PRKN: variants seen among roughly 807,000 people sequenced by gnomAD.
PRKN encodes parkin RBR E3 ubiquitin protein ligase.
Under a neutral mutation model 59.5 loss-of-function variants are expected in PRKN, and 56 were observed. The ratio of observed to expected loss-of-function variants is 0.94; its 90% confidence interval spans 0.76 to 1.18. The LOEUF (loss-of-function observed/expected upper bound fraction) is 1.18. PRKN is among the 50% of genes most tolerant of loss of function. PRKN has a pLI of 0.00. For missense variants in PRKN, 657 were observed against 596.4 expected (o/e 1.10, Z -1.06); for synonymous variants, 250 against 222.1 (o/e 1.13, Z -1.12).
intron 2 of PRKN, among the ~76,000 whole-genome samples, chr6:162,390,181 C>T (rs774686321): frequency 2.0e-5 from 3 of 151,848 alleles, no homozygotes; most frequent in Non-Finnish European, 2.9e-5. Context: ...CCAGTTCTGA[C>T]TCCAAAATCT....
At chr6:162,437,964 C>A (rs1331633604) in intron 2 of PRKN, among the ~76,000 whole-genome samples, 1 of 152,206 alleles carries the variant, frequency 6.6e-6, no homozygotes, top group African/African-American at 2.4e-5. Context: ...ACTCTGTCAT[C>A]TGGTAAATAC....
chr6:162,489,946 T>C (rs529487715), intron 1 of PRKN, among the ~76,000 whole-genome samples: 73 of 152,292 alleles, frequency 4.8e-4, no homozygotes, highest in Admixed American at 2.9e-3. Context: ...CTTAAATCCT[T>C]GTTTCTTTTT....
intron 1 of PRKN, among the ~76,000 whole-genome samples, chr6:162,480,875 A>G (rs9347648): frequency 0.46 from 69,455 of 151,680 alleles, 16,106 homozygotes; most frequent in Middle Eastern, 0.52. Flanking sequence ...GCACGATCTC[A>G]CCTCACTGCA....
chr6:161,885,452 C>A (rs1162176188), intron 6 of PRKN, among the ~76,000 whole-genome samples: 1 of 152,042 alleles, frequency 6.6e-6, no homozygotes, highest in African/African-American at 2.4e-5. Context: ...ATCACGAGGT[C>A]AGGAGATAGA....
intron 6 of PRKN, among the ~76,000 whole-genome samples, chr6:161,867,343 G>A (rs1794151703): frequency 6.6e-6 from 1 of 152,098 alleles, no homozygotes; most frequent in Non-Finnish European, 1.5e-5. Flanking sequence ...TATAGGCACT[G>A]GAAATTGAAT....
chr6:162,469,442 G>A (rs1011498499), intron 1 of PRKN, among the ~76,000 whole-genome samples: 2 of 151,338 alleles, frequency 1.3e-5, no homozygotes, highest in African/African-American at 4.9e-5. Flanking sequence ...CAAAAATGCG[G>A]AACCAGCCCA....
intron 2 of PRKN, among the ~76,000 whole-genome samples, chr6:162,418,329 T>C (rs1788752373): frequency 1.3e-5 from 2 of 152,144 alleles, no homozygotes; most frequent in South Asian, 2.1e-4. Context: ...AAATTAATGG[T>C]TGCCAGGAAC....
At chr6:162,373,205 C>T (rs572889687) in intron 2 of PRKN, among the ~76,000 whole-genome samples, 14 of 152,244 alleles carry the variant, frequency 9.2e-5, no homozygotes, top group African/African-American at 2.4e-4. Flanking sequence ...GCTACTTCAA[C>T]GGAGCTTTCA....
intron 7 of PRKN, among the ~76,000 whole-genome samples, chr6:161,612,333 C>T (rs1207824648): frequency 1.3e-5 from 2 of 152,206 alleles, no homozygotes; most frequent in Non-Finnish European, 2.9e-5. Context: ...CTTCAAATGA[C>T]AGGCTGATTC....
chr6:162,468,767 T>C (rs1489299568), intron 1 of PRKN, among the ~76,000 whole-genome samples: 2 of 152,206 alleles, frequency 1.3e-5, no homozygotes, highest in Non-Finnish European at 2.9e-5. Flanking sequence ...CCTAGAAGGG[T>C]GCATAAGTCT....
intron 1 of PRKN, chr6:162,569,119 C>A: frequency 1.5e-6 from 1 of 645,350 alleles, no homozygotes; most frequent in South Asian, 1.6e-5. Context: ...ATGAGGAGAT[C>A]ACCCAACCTC....
At chr6:162,663,255 C>G (rs1023929275) in intron 1 of PRKN, among the ~76,000 whole-genome samples, 1 of 152,132 alleles carries the variant, frequency 6.6e-6, no homozygotes, top group African/African-American at 2.4e-5. Context: ...CCATTACTAT[C>G]TCATTTCACA....
chr6:162,224,103 T>C (rs1446723060), intron 3 of PRKN, among the ~76,000 whole-genome samples: 3 of 152,062 alleles, frequency 2.0e-5, no homozygotes, highest in Non-Finnish European at 4.4e-5. Context: ...TTTTTCCTTT[T>C]CTTATCTCTT....
At position 161,386,693 on chromosome 6, in the gene PRKN, T is replaced by A; in HGVS notation, c.1167+101A>T. On this transcript the variant is annotated intron_variant, in intron 10 of 11. Transcript: ENST00000366898. This position sits in a 1 kb window ranked among gnomAD's most constrained non-coding sequence, Gnocchi z 4.3. ...GGCTGTCAGCTACCAGTCTGCTTCT[T>A]GCTTTTTTAGAATGGAACTCTCCAT... 1 of 943,760 alleles carries A rather than the reference T, an allele frequency of 1.1e-6. No homozygotes were observed. The highest frequency in any genetic ancestry group is 1.8e-6 in the Non-Finnish European group (1 of 570,348). The allele number at this position is 943,760 out of a possible 1,614,324, so 58.5% of individuals were successfully genotyped here.
chr6:161,980,474 T>G (rs111930989), intron 5 of PRKN, among the ~76,000 whole-genome samples: 1 of 152,144 alleles, frequency 6.6e-6, no homozygotes, highest in East Asian at 1.9e-4. Context: ...ACTGACGGAA[T>G]TGAATGAGAT....
intron 7 of PRKN, among the ~76,000 whole-genome samples, chr6:161,673,209 C>CCCA (rs1725659170): frequency 6.6e-6 from 1 of 152,182 alleles, no homozygotes; most frequent in South Asian, 2.1e-4. Flanking sequence ...CAAGACAGAG[C>CCCA]CCACCATGCA....
At chr6:161,844,386 C>G (rs1793113422) in intron 6 of PRKN, among the ~76,000 whole-genome samples, 2 of 152,178 alleles carry the variant, frequency 1.3e-5, no homozygotes, top group Admixed American at 1.3e-4. Context: ...GTTTGTTAAA[C>G]AGCTAACATT....
At chr6:162,658,038 C>G (rs1465407840) in intron 1 of PRKN, among the ~76,000 whole-genome samples, 1 of 152,166 alleles carries the variant, frequency 6.6e-6, no homozygotes, top group African/African-American at 2.4e-5. Flanking sequence ...ACAAGGCATG[C>G]AACCAGATTG....
intron 1 of PRKN, among the ~76,000 whole-genome samples, chr6:162,516,580 T>C (rs1000931110): frequency 3.4e-4 from 51 of 152,146 alleles, no homozygotes; most frequent in Middle Eastern, 3.4e-3. Context: ...GGTGAAACAC[T>C]GTCTCTACTA....
Sources: allele counts gnomAD v4.1 joint callset (sites outside exome capture counted in the v4.1 genomes callset), GRCh38; gene constraint gnomAD v4.1.1; non-coding constraint Gnocchi (gnomAD v3.1); transcripts MANE v1.5; gene names NCBI Gene and HGNC (gene_info 2026-07-23, HGNC 2026-07-21).